The following EYS variants were observed in gnomAD, a reference collection of about 807,000 sequenced individuals.
EYS encodes the protein EGF-like photoreceptor maintenance factor, also known as protein eyes shut homolog.
Under a neutral mutation model 282.1 loss-of-function variants are expected in EYS, and 250 were observed. That is an observed-to-expected ratio of 0.89 (90% confidence interval 0.80 to 0.98). The LOEUF (loss-of-function observed/expected upper bound fraction) is 0.98. Ranked by LOEUF, EYS falls within the 50% of genes least tolerant of loss-of-function variation. The pLI, the probability that EYS is intolerant of heterozygous loss-of-function variation, is 0.00. For synonymous variants in EYS, 1,355 were observed against 1,282.9 expected (o/e 1.06, Z -1.20); for missense variants, 4,016 against 3,709.0 (o/e 1.08, Z -2.15).
At chr6:63,750,404 A>G (rs759155668) in intron 41 of EYS, among the ~76,000 whole-genome samples, 95 of 152,326 alleles carry the variant, frequency 6.2e-4, no homozygotes, top group Non-Finnish European at 8.4e-4. Context: ...GTACAGGAGA[A>G]GACCTTCTTT....
intron 26 of EYS, among the ~76,000 whole-genome samples, chr6:64,533,168 A>C (rs1466374578): frequency 1.3e-5 from 2 of 152,342 alleles, no homozygotes; most frequent in Non-Finnish European, 2.9e-5. Flanking sequence ...AAATCAACAT[A>C]AAGAGAAAAC....
In EYS at chr6:65,035,317, C is replaced by T. The variant is rs114803599; in HGVS notation, c.2137+22297G>A. Among the ~76,000 whole-genome samples, 154 of 152,190 alleles carry T rather than the reference C, an allele frequency of 1.0e-3. 1 individual carries two copies. Among genetic ancestry groups the T allele is most frequent in the African/African-American group, 3.7e-3 (153 of 41,540 alleles). On this transcript the variant is annotated intron_variant, in intron 13 of 42. Coordinates refer to ENST00000503581, the MANE Select transcript of EYS (RefSeq NM_001142800.2). ...GACAAGGATACCTACACTAACTACTCATATTGAACATAGCACCGGAAGTCC... is the reference window on the plus strand; with the variant it reads ...GACAAGGATACCTACACTAACTACTTATATTGAACATAGCACCGGAAGTCC...
chr6:64,559,270 CAT>C (rs1491557016), intron 26 of EYS, among the ~76,000 whole-genome samples: 10 of 81,928 alleles, frequency 1.2e-4, no homozygotes, highest in African/African-American at 1.8e-4. Context: ...TGTGTGTGTG[CAT>C]GTGTGTGTGT....
intron 33 of EYS, among the ~76,000 whole-genome samples, chr6:64,047,222 A>G (rs1297608996): frequency 1.3e-5 from 2 of 152,206 alleles, no homozygotes; most frequent in African/African-American, 4.8e-5. Flanking sequence ...TATATTATAA[A>G]CTATTTTGGT....
intron 14 of EYS, among the ~76,000 whole-genome samples, chr6:64,962,584 G>GA (rs974505995): frequency 1.5e-4 from 23 of 149,826 alleles, no homozygotes; most frequent in South Asian, 8.5e-4. Flanking sequence ...AAAAAGAAAA[G>GA]AAAAAAAAAG....
intron 29 of EYS, among the ~76,000 whole-genome samples, chr6:64,359,533 T>C (rs189247347): frequency 6.6e-6 from 1 of 151,808 alleles, no homozygotes; most frequent in East Asian, 2.0e-4. Flanking sequence ...CATTAGTCCT[T>C]ATCTCAGTTC....
intron 16 of EYS, among the ~76,000 whole-genome samples, chr6:64,903,730 G>A (rs1767737514): frequency 6.6e-6 from 1 of 151,962 alleles, no homozygotes; most frequent in Non-Finnish European, 1.5e-5. Context: ...GATAGAACAC[G>A]GAATTGACTG....
intron 5 of EYS, among the ~76,000 whole-genome samples, chr6:65,447,563 T>C (rs1440756815): frequency 2.1e-5 from 3 of 146,054 alleles, no homozygotes; most frequent in African/African-American, 7.3e-5. Flanking sequence ...CTTTTTCATG[T>C]GCTCTTTGTA....
intron 12 of EYS, among the ~76,000 whole-genome samples, chr6:65,252,144 C>A (rs1038671606): frequency 6.6e-6 from 1 of 151,908 alleles, no homozygotes; most frequent in Admixed American, 6.6e-5. Context: ...TAAACCCCAA[C>A]TTCCTGGCAA....
At chr6:65,370,366 C>A (rs543242003) in intron 8 of EYS, among the ~76,000 whole-genome samples, 2 of 149,442 alleles carry the variant, frequency 1.3e-5, no homozygotes, top group Non-Finnish European at 3.0e-5. Context: ...AGTGATTATC[C>A]TACTCCAGCT....
chr6:64,553,299 C>T (rs1455457382), intron 26 of EYS, among the ~76,000 whole-genome samples: 1 of 152,038 alleles, frequency 6.6e-6, no homozygotes, highest in East Asian at 1.9e-4. Context: ...TTTAGTTTTC[C>T]TTTCATCACT....
At chr6:65,406,476 A>G (rs1766744862) in intron 5 of EYS, among the ~76,000 whole-genome samples, 1 of 152,056 alleles carries the variant, frequency 6.6e-6, no homozygotes, top group South Asian at 2.1e-4. Flanking sequence ...TTTTGGTATC[A>G]TATAATTGGT....
At position 65,624,932 on chromosome 6, in the gene EYS, G is replaced by A. The variant is rs536262962; in HGVS notation, c.-333+14846C>T. Among the ~76,000 whole-genome samples the A allele has an allele frequency of 7.9e-5, 12 of 152,126 alleles. No individual in the cohort carries two copies. In the South Asian group the frequency reaches 1.9e-3, roughly 24 times the overall value. On this transcript the variant is annotated intron_variant, in intron 2 of 42. Transcript: ENST00000503581. ...TACTGTGGGACGTCACCTTGTGATC[G>A]TGTGAGTCAATTCTCCTTAATAAAC...
chr6:65,037,802 A>C (rs1160847653), intron 13 of EYS, among the ~76,000 whole-genome samples: 1 of 151,710 alleles, frequency 6.6e-6, no homozygotes, highest in Non-Finnish European at 1.5e-5. Context: ...CCAATCATCC[A>C]AAGTGTTAGG....
At chr6:65,491,313 C>CA in intron 4 of EYS, 1 of 252,588 alleles carries the variant, frequency 4.0e-6, no homozygotes, top group South Asian at 4.4e-5. Flanking sequence ...ACACAGCCTT[C>CA]CATAACATAC....
intron 1 of EYS, among the ~76,000 whole-genome samples, chr6:65,688,000 A>G (rs2149842337): frequency 6.6e-6 from 1 of 152,316 alleles, no homozygotes; most frequent in South Asian, 2.1e-4. Context: ...GAAAATGGCC[A>G]TATGGCCCAA....
intron 5 of EYS, among the ~76,000 whole-genome samples, chr6:65,417,957 C>A (rs1253542867): frequency 6.6e-6 from 1 of 151,728 alleles, no homozygotes; most frequent in Non-Finnish European, 1.5e-5. Context: ...TAGATATGGC[C>A]CCTAAAATAA....
intron 35 of EYS, among the ~76,000 whole-genome samples, chr6:63,975,956 C>T (rs1766816642): frequency 6.6e-6 from 1 of 151,990 alleles, no homozygotes; most frequent in African/African-American, 2.4e-5. Context: ...CTAGGCGATA[C>T]AGTATGGTCT....
chr6:64,185,435 C>T (rs1010575748), intron 31 of EYS, among the ~76,000 whole-genome samples: 1 of 152,102 alleles, frequency 6.6e-6, no homozygotes, highest in African/African-American at 2.4e-5. Flanking sequence ...AAGTCATATT[C>T]TTGAAAATCT....
Sources: gnomAD v4.1 joint callset for allele counts (sites outside exome capture counted in the v4.1 genomes callset) on GRCh38, gnomAD v4.1.1 for gene constraint, MANE v1.5 for transcripts, NCBI Gene and HGNC (gene_info 2026-07-23, HGNC 2026-07-21) for gene names.